Variants in DLGAP1 observed in about 807,000 individuals in gnomAD.
DLGAP1 encodes the protein DLG associated protein 1.
DLGAP1 carries 11 observed loss-of-function variants against 90.8 expected under a neutral mutation model. The ratio of observed to expected loss-of-function variants is 0.12; its 90% CI spans 0.08 to 0.20. The LOEUF is 0.20. DLGAP1 is among the 10% of genes least tolerant of loss of function. DLGAP1 has a pLI of 1.00. For synonymous variants in DLGAP1, 558 were observed against 540.7 expected, an observed-to-expected ratio of 1.03 and a Z score of -0.44; for missense variants, 1,050 against 1,333.8, an observed-to-expected ratio of 0.79 and a Z score of 3.31.
chr18:3,909,013 A>G (rs2071975082), intron 3 of DLGAP1, among the ~76,000 whole-genome samples: 1 of 152,198 alleles, frequency 6.6e-6, no homozygotes, highest in African/African-American at 2.4e-5. Flanking sequence ...GTAGAAACAA[A>G]GCATACTCTA....
chr18:3,648,243 T>C (rs2059186681), intron 7 of DLGAP1, among the ~76,000 whole-genome samples: 1 of 152,244 alleles, frequency 6.6e-6, no homozygotes, highest in Non-Finnish European at 1.5e-5. Context: ...GAAAAATCCT[T>C]TGGCCTTCTT....
chr18:4,026,587 T>G (rs1372631), intron 2 of DLGAP1, among the ~76,000 whole-genome samples: 62,473 of 151,970 alleles, frequency 0.41, 14,977 homozygotes, highest in African/African-American at 0.67. Flanking sequence ...GATGGAGCTC[T>G]GAGTATAAGC....
intron 7 of DLGAP1, among the ~76,000 whole-genome samples, chr18:3,629,711 T>C (rs1048721459): frequency 6.7e-6 from 1 of 150,032 alleles, no homozygotes; most frequent in African/African-American, 2.5e-5. Context: ...AAATAAAAAA[T>C]AATGAAATAA....
Position 3,602,592 on chromosome 18 carries a change from C to CT in DLGAP1, c.1592-20345_1592-20344insA, listed in dbSNP as rs1175318934. On this transcript the variant is annotated intron_variant, in intron 7 of 12. Transcript: ENST00000315677. ...CCTGGGCGACAGAGCGAGACTCCGTCCAAAAAAAAAAAAAAAAAAAAAAAC... is the reference window on the plus strand; with the variant it reads ...CCTGGGCGACAGAGCGAGACTCCGTCTCAAAAAAAAAAAAAAAAAAAAAAAC... 7.2e-3 allele frequency among the ~76,000 whole-genome samples: 526 copies of CT among 73,212 alleles called. 9 individuals are homozygous for CT. The highest frequency in any genetic ancestry group is 0.011 in the Non-Finnish European group (428 of 39,344). The allele number at this position is 73,212 out of a possible 152,430, so 48.0% of individuals were successfully genotyped here.
chr18:4,266,073 A>C (rs1407220776), intron 1 of DLGAP1, among the ~76,000 whole-genome samples: 1 of 152,126 alleles, frequency 6.6e-6, no homozygotes, highest in Non-Finnish European at 1.5e-5. Flanking sequence ...AATCTCAGTG[A>C]TATAATGGAA....
At chr18:3,662,213 A>C (rs2059709226) in intron 7 of DLGAP1, among the ~76,000 whole-genome samples, 1 of 152,226 alleles carries the variant, frequency 6.6e-6, no homozygotes, top group Non-Finnish European at 1.5e-5. Context: ...AAGAGCTAGA[A>C]TGTGTTGAGT....
At position 3,975,350 on chromosome 18, in the gene DLGAP1, A is replaced by T. The variant is rs556595311; in HGVS notation, c.-73+29766T>A. 3.3e-5 allele frequency among the ~76,000 whole-genome samples: 5 copies of T among 152,312 alleles called. No homozygotes were observed. In the South Asian group the frequency reaches 1.0e-3, roughly 32 times the overall value. On this transcript the variant is annotated intron_variant, in intron 3 of 12. Coordinates refer to ENST00000315677, the MANE Select transcript of DLGAP1 (RefSeq NM_004746.4). ...AAGTGGCCCATCAATACATGAAAAGATGTTCAACATCACTAATCATTAGGG... is the reference window on the plus strand; with the variant it reads ...AAGTGGCCCATCAATACATGAAAAGTTGTTCAACATCACTAATCATTAGGG...
chr18:4,273,788 G>T (rs755796992), intron 1 of DLGAP1, among the ~76,000 whole-genome samples: 45 of 152,188 alleles, frequency 3.0e-4, no homozygotes, highest in Non-Finnish European at 4.9e-4. Context: ...CATCCACTTT[G>T]TTGGTGTGTA....
At chr18:3,586,779 A>G (rs1323183107) in intron 7 of DLGAP1, among the ~76,000 whole-genome samples, 1 of 152,176 alleles carries the variant, frequency 6.6e-6, no homozygotes, top group Non-Finnish European at 1.5e-5. Context: ...AGATTTGCTA[A>G]GCCCTAAACC....
At chr18:4,269,354 A>T (rs59082728) in intron 1 of DLGAP1, among the ~76,000 whole-genome samples, 40,326 of 131,514 alleles carry the variant, frequency 0.31, 6,526 homozygotes, top group African/African-American at 0.43. Flanking sequence ...ATATATATAT[A>T]TTTTTTTTTT....
At position 3,706,292 on chromosome 18, in the gene DLGAP1, C is replaced by G. The variant is rs149297197; in HGVS notation, c.1591+22843G>C. On this transcript the variant is annotated intron_variant, in intron 7 of 12. Transcript: ENST00000315677. The stretch of plus-strand genomic sequence containing the variant: ...GGATTACAGGCGTGAGCCACCACGC[C>G]TGGCAAATGGTGCATTTTTCACACT... 2.3e-4 allele frequency among the ~76,000 whole-genome samples: 35 copies of G among 152,290 alleles called. No individual in the cohort carries two copies. In the East Asian group the frequency reaches 6.8e-3, roughly 29 times the overall value.
chr18:3,539,290 A>G (rs1338022030), intron 9 of DLGAP1, among the ~76,000 whole-genome samples: 1 of 152,234 alleles, frequency 6.6e-6, no homozygotes, highest in African/African-American at 2.4e-5. Context: ...CGTTGATGAT[A>G]TCAACCCAAA....
At chr18:3,554,937 G>T (rs552592402) in intron 9 of DLGAP1, among the ~76,000 whole-genome samples, 2 of 151,584 alleles carry the variant, frequency 1.3e-5, no homozygotes, top group African/African-American at 2.4e-5. Flanking sequence ...CTCACTTTTT[G>T]TTAGGTTGCT....
chr18:3,765,351 C>A (rs994556947), intron 5 of DLGAP1, among the ~76,000 whole-genome samples: 1 of 150,238 alleles, frequency 6.7e-6, no homozygotes, highest in Non-Finnish European at 1.5e-5. Context: ...AGGATGGTCT[C>A]GATCTCCTGA....
chr18:4,240,182 T>C (rs1303828154), intron 1 of DLGAP1, among the ~76,000 whole-genome samples: 1 of 152,194 alleles, frequency 6.6e-6, no homozygotes, highest in Non-Finnish European at 1.5e-5. Context: ...ACTGTTTACA[T>C]AGTTTCCACA....
rs1180054844 is a variant in DLGAP1, at chr18:4,011,140, C to T, written c.-158-5939G>A. Among the ~76,000 whole-genome samples the T allele has an allele frequency of 2.1e-5, 3 of 142,964 alleles. No individual in the cohort carries two copies. The East Asian group carries it at 6.2e-4, about 30-fold the overall frequency. The allele number at this position is 142,964 out of a possible 152,430, so 93.8% of individuals were successfully genotyped here. A position where few individuals can be genotyped will look rare whatever the true frequency, so the allele number is the denominator to read the frequency against. On this transcript the variant is annotated intron_variant, in intron 2 of 12. Transcript: ENST00000315677. ...GTAGTGAGCCGAGATGGCGTCATTG[C>T]ACTCTAGCCTGGGAGACAGAGCAAG...
intron 4 of DLGAP1, among the ~76,000 whole-genome samples, chr18:3,866,252 G>C (rs1280603824): frequency 6.6e-6 from 1 of 152,092 alleles, no homozygotes; most frequent in Non-Finnish European, 1.5e-5. Context: ...TACCACACTG[G>C]GGACGGATAA....
chr18:3,584,776 A>G (rs1469113675), intron 7 of DLGAP1, among the ~76,000 whole-genome samples: 1 of 152,088 alleles, frequency 6.6e-6, no homozygotes, highest in Non-Finnish European at 1.5e-5. Context: ...TTTTAGAGAT[A>G]GGGTCTCACT....
chr18:3,755,412 C>G lies in DLGAP1; in HGVS notation c.1173-12900G>C, dbSNP rs944698030. Among the ~76,000 whole-genome samples, 5 of 151,722 alleles carry G rather than the reference C, an allele frequency of 3.3e-5. 1 individual carries two copies. The South Asian group carries it at 8.3e-4, about 25-fold the overall frequency. On this transcript the variant is annotated intron_variant, in intron 5 of 12. Coordinates refer to ENST00000315677, the MANE Select transcript of DLGAP1 (RefSeq NM_004746.4). Reference sequence around the variant, plus strand: ...GTCAGAGACTTTCAATTCAAAGACACAAATAGGTTGAAAGCAAAAGGCTTG... The same window carrying G: ...GTCAGAGACTTTCAATTCAAAGACAGAAATAGGTTGAAAGCAAAAGGCTTG...
Sources: gnomAD v4.1 joint callset for allele counts (sites outside exome capture counted in the v4.1 genomes callset) on GRCh38, gnomAD v4.1.1 for gene constraint, MANE v1.5 for transcripts, NCBI Gene and HGNC (gene_info 2026-07-23, HGNC 2026-07-21) for gene names.